MYO5B: variants seen among roughly 807,000 people sequenced by gnomAD.
MYO5B encodes myosin VB, also known as unconventional myosin-Vb.
MYO5B carries 143 observed loss-of-function variants against 229.3 expected under a neutral mutation model. That is an observed-to-expected ratio of 0.62 (90% CI 0.54 to 0.72). MYO5B has a LOEUF of 0.72. MYO5B is among the 30% of genes least tolerant of loss of function. The pLI, the probability that MYO5B is intolerant of heterozygous loss-of-function variation, is 0.00. For missense variants in MYO5B, 2,321 were observed against 2,331.0 expected (o/e 1.00, Z 0.09); for synonymous variants, 918 against 885.2 (o/e 1.04, Z -0.66).
intron 1 of MYO5B, among the ~76,000 whole-genome samples, chr18:50,184,820 C>T (rs1164319978): frequency 6.6e-6 from 1 of 151,982 alleles, no homozygotes; most frequent in Non-Finnish European, 1.5e-5. Flanking sequence ...GGGAGGATCA[C>T]TTGAGGCCAG....
intron 1 of MYO5B, among the ~76,000 whole-genome samples, chr18:50,172,373 G>T (rs1274970894): frequency 6.7e-6 from 1 of 150,078 alleles, no homozygotes; most frequent in East Asian, 2.0e-4. Context: ...TCTCTTATAC[G>T]ATGGCCCAGA....
Position 49,875,792 on chromosome 18 carries a change from C to T in MYO5B, c.3432G>A (p.Thr1144=), listed in dbSNP as rs61737443. 1,740 of 1,614,134 alleles carry T rather than the reference C, an allele frequency of 1.1e-3. 16 individuals are homozygous for T. In the African/African-American group the frequency reaches 0.019, roughly 18 times the overall value. The part of the protein sequence containing the change: ...IGLEKAAMDM[T]VFLKLQKRVR... The stretch of plus-strand genomic sequence containing the variant: ...CTCTCTTCTGCAGCTTCAGGAAGAC[C>T]GTCATGTCCATGGCTGCCTTCTCCA... The change falls in exon 26 of 40, where the codon ACG becomes ACA. Residue 1144 remains threonine, a synonymous_variant. Transcript: ENST00000285039.
intron 10 of MYO5B, among the ~76,000 whole-genome samples, chr18:49,963,523 A>G (rs1431280633): frequency 2.6e-5 from 4 of 152,018 alleles, no homozygotes; most frequent in African/African-American, 7.2e-5. Context: ...CCCAGTCTCA[A>G]GGGATCCTCC....
At chr18:49,964,769 G>A (rs142703443) in intron 10 of MYO5B, among the ~76,000 whole-genome samples, 94 of 152,228 alleles carry the variant, frequency 6.2e-4, no homozygotes, top group Admixed American at 1.3e-3. Flanking sequence ...TTACCTGAGC[G>A]CTTTGTATCT....
intron 1 of MYO5B, among the ~76,000 whole-genome samples, chr18:50,179,615 G>A (rs986631017): frequency 1.3e-5 from 2 of 152,216 alleles, no homozygotes; most frequent in African/African-American, 4.8e-5. Flanking sequence ...AAGGAAAAGA[G>A]CCAAGGACAA....
intron 1 of MYO5B, among the ~76,000 whole-genome samples, chr18:50,187,646 G>C (rs1354575708): frequency 6.6e-6 from 1 of 152,138 alleles, no homozygotes; most frequent in Non-Finnish European, 1.5e-5. Context: ...CTCCAGAGTA[G>C]CTAGGACCAC....
chr18:50,109,922 G>C lies in MYO5B; in HGVS notation c.28-54544C>G, dbSNP rs534196782. 3.9e-5 allele frequency among the ~76,000 whole-genome samples: 6 copies of C among 152,210 alleles called. No homozygotes were observed. The East Asian group carries it at 1.2e-3, about 29-fold the overall frequency. On this transcript the variant is annotated intron_variant, in intron 1 of 39. Coordinates refer to ENST00000285039, the MANE Select transcript of MYO5B (RefSeq NM_001080467.3). ...CACTGCCCTGTTCAAAATCCTCCACGGGTTCCCCATCCCAGCGAAAGTCAA... is the reference window on the plus strand; with the variant it reads ...CACTGCCCTGTTCAAAATCCTCCACCGGTTCCCCATCCCAGCGAAAGTCAA...
chr18:50,065,631 G>T (rs895195867), intron 1 of MYO5B, among the ~76,000 whole-genome samples: 4 of 152,256 alleles, frequency 2.6e-5, no homozygotes, highest in African/African-American at 9.6e-5. Context: ...GGGGATTACA[G>T]TTCAAGATGA....
chr18:49,874,564 A>C lies in MYO5B; in HGVS notation c.3537+1123T>G, dbSNP rs549369746. Among the ~76,000 whole-genome samples the C allele has an allele frequency of 5.9e-5, 9 of 152,368 alleles. No homozygotes were observed. The East Asian group carries it at 1.3e-3, about 23-fold the overall frequency. On this transcript the variant is annotated intron_variant, in intron 26 of 39. Coordinates refer to ENST00000285039, the MANE Select transcript of MYO5B (RefSeq NM_001080467.3). ...CACTTACTGCTCAGGGGGAAAAAAA[A>C]CAAGAATTTGCCAGCAATATAGATC... is the stretch of plus-strand genomic sequence containing the variant.
chr18:49,875,888 C>G, intron 25 of MYO5B, 61 bp from the exon 26 acceptor site: 1 of 1,589,400 alleles, frequency 6.3e-7, no homozygotes, highest in African/African-American at 1.3e-5. Context: ...AGGGAACACA[C>G]AGCACTTCAC....
chr18:50,060,586 G>A (rs757734277), intron 1 of MYO5B, among the ~76,000 whole-genome samples: 49 of 152,208 alleles, frequency 3.2e-4, no homozygotes, highest in Non-Finnish European at 6.5e-4. Flanking sequence ...GTGATTTTTG[G>A]AAAGTTCTTT....
chr18:49,987,159 AAACTCAGGCCCAGTTCCCC>A (rs1378834161), intron 7 of MYO5B, among the ~76,000 whole-genome samples: 1 of 151,924 alleles, frequency 6.6e-6, no homozygotes, highest in African/African-American at 2.4e-5. Context: ...CCCAGTTCCC[AAACTCAGGCCCAGTTCCCC>A]AACTCAGGCC....
intron 8 of MYO5B, among the ~76,000 whole-genome samples, chr18:49,984,283 C>T (rs1026262151): frequency 1.3e-5 from 2 of 152,226 alleles, no homozygotes; most frequent in African/African-American, 4.8e-5. Flanking sequence ...GATGCAGCTG[C>T]CAGACCTTCA....
At chr18:49,977,816 A>C (rs1037400025) in intron 9 of MYO5B, among the ~76,000 whole-genome samples, 3 of 152,246 alleles carry the variant, frequency 2.0e-5, no homozygotes, top group African/African-American at 2.4e-5. Context: ...GACTCTCTCA[A>C]CCACGAGCTC....
At chr18:49,974,945 C>T (rs1485904605) in intron 9 of MYO5B, among the ~76,000 whole-genome samples, 1 of 152,172 alleles carries the variant, frequency 6.6e-6, no homozygotes, top group Non-Finnish European at 1.5e-5. Flanking sequence ...TTTCTTGTCC[C>T]CTCCCTCCAT....
intron 1 of MYO5B, among the ~76,000 whole-genome samples, chr18:50,065,909 T>C (rs778309535): frequency 2.6e-5 from 4 of 151,914 alleles, no homozygotes; most frequent in Non-Finnish European, 5.9e-5. Context: ...GTGATAAGTC[T>C]GGGGCATGAA....
At chr18:50,068,002 CATAT>C (rs4042093) in intron 1 of MYO5B, among the ~76,000 whole-genome samples, 14,617 of 150,740 alleles carry the variant, frequency 0.097, 1,291 homozygotes, top group African/African-American at 0.24. Context: ...TACATACATA[CATAT>C]ATACACACAC....
chr18:50,112,599 A>G lies in MYO5B; in HGVS notation c.28-57221T>C, dbSNP rs568384841. Among the ~76,000 whole-genome samples the G allele has an allele frequency of 1.4e-4, 21 of 151,936 alleles. No individual in the cohort carries two copies. The South Asian group carries it at 4.2e-3, about 30-fold the overall frequency. ...TGAGACTGGTTATGCCCCACGAAAA[A>G]CCTTTTTCTGTCTGCTCCAAGGCAA... On this transcript the variant is annotated intron_variant, in intron 1 of 39. Coordinates refer to ENST00000285039, the MANE Select transcript of MYO5B (RefSeq NM_001080467.3).
At chr18:50,146,374 C>T (rs528107997) in intron 1 of MYO5B, among the ~76,000 whole-genome samples, 105 of 152,356 alleles carry the variant, frequency 6.9e-4, no homozygotes, top group African/African-American at 2.4e-3. Flanking sequence ...ATTGTGGCTA[C>T]AGGCAAGCAA....
Sources: gnomAD v4.1 joint callset for allele counts (sites outside exome capture counted in the v4.1 genomes callset) on GRCh38, gnomAD v4.1.1 for gene constraint, MANE v1.5 for transcripts, NCBI Gene and HGNC (gene_info 2026-07-23, HGNC 2026-07-21) for gene names.